RAPGEF2: variants seen among roughly 807,000 people sequenced by gnomAD.
RAPGEF2 encodes the protein PDZ domain containing guanine nucleotide exchange factor (GEF) 1.
A neutral mutation model predicts 186.7 loss-of-function variants in RAPGEF2; 54 were observed. The ratio of observed to expected loss-of-function variants is 0.29; its 90% CI spans 0.23 to 0.36. The LOEUF is 0.36. Among genes scored for constraint, RAPGEF2 ranks in the 10% least tolerant of loss-of-function variants. RAPGEF2 has a pLI of 1.00. For missense variants in RAPGEF2, 1,532 were observed against 2,045.0 expected, an observed-to-expected ratio of 0.75 and a Z score of 4.84; for synonymous variants, 712 against 705.9, an observed-to-expected ratio of 1.01 and a Z score of -0.14.
At chr4:159,325,374 A>G (rs553361108) in intron 11 of RAPGEF2, among the ~76,000 whole-genome samples, 5 of 152,248 alleles carry the variant, frequency 3.3e-5, no homozygotes, top group African/African-American at 1.2e-4. Flanking sequence ...TGAAGTCTTT[A>G]TTTAGCGGGA....
Position 159,351,291 on chromosome 4 carries a change from T to A in RAPGEF2, c.3865+1002T>A, listed in dbSNP as rs911474538. 3 of 1,281,330 alleles carry A rather than the reference T, an allele frequency of 2.3e-6. No individual in the cohort carries two copies. The African/African-American group carries it at 4.6e-5, about 20-fold the overall frequency. The allele number at this position is 1,281,330 out of a possible 1,614,324, so 79.4% of individuals were successfully genotyped here. The stretch of plus-strand genomic sequence containing the variant: ...TCAAGTGCTCCATCTGAGTGATTTA[T>A]TTTTCTGAAACTTTTTTTTTTTTAA... On this transcript the variant is annotated intron_variant, in intron 26 of 29. Transcript: ENST00000691494.
chr4:159,159,926 A>G (rs576739847), intron 1 of RAPGEF2, among the ~76,000 whole-genome samples: 1 of 152,336 alleles, frequency 6.6e-6, no homozygotes, highest in East Asian at 1.9e-4. Context: ...GCCAATTATA[A>G]CACAGGTATT....
intron 7 of RAPGEF2, among the ~76,000 whole-genome samples, chr4:159,253,689 C>T (rs1278039421): frequency 6.6e-6 from 1 of 151,916 alleles, no homozygotes; most frequent in African/African-American, 2.4e-5. Context: ...TTTTCTGTGG[C>T]CAGGCGCGGT....
chr4:159,237,630 A>G (rs1753422308), intron 4 of RAPGEF2, among the ~76,000 whole-genome samples: 1 of 151,994 alleles, frequency 6.6e-6, no homozygotes, highest in Admixed American at 6.6e-5. Context: ...ATTAACTTGG[A>G]AAAAAATTGT....
At chr4:159,202,220 G>A (rs1749498381) in intron 3 of RAPGEF2, among the ~76,000 whole-genome samples, 1 of 152,118 alleles carries the variant, frequency 6.6e-6, no homozygotes, top group South Asian at 2.1e-4. Flanking sequence ...AGCATTTAGA[G>A]GAGCTTCCTC....
At chr4:159,131,092 G>A (rs1437523023) in intron 1 of RAPGEF2, among the ~76,000 whole-genome samples, 1 of 43,858 alleles carries the variant, frequency 2.3e-5, no homozygotes, top group African/African-American at 1.0e-4. Flanking sequence ...TTGTGTGTGT[G>A]TGTGTGAGAG....
chr4:159,268,336 T>C (rs1757689034), intron 7 of RAPGEF2: 2 of 776,660 alleles, frequency 2.6e-6, no homozygotes, highest in Non-Finnish European at 2.1e-6. Flanking sequence ...AGTAGTCTGC[T>C]TGGAGAGGAG....
intron 17 of RAPGEF2, 163 bp downstream of exon 17, chr4:159,332,860 C>A: frequency 1.3e-6 from 1 of 750,860 alleles, no homozygotes; most frequent in Non-Finnish European, 1.9e-6. Flanking sequence ...GTTTTAATCT[C>A]GTTTTTGCCA....
chr4:159,127,317 G>A (rs1249003748), intron 1 of RAPGEF2, among the ~76,000 whole-genome samples: 6 of 152,112 alleles, frequency 3.9e-5, no homozygotes, highest in Admixed American at 1.3e-4. Flanking sequence ...GTGAACCACC[G>A]CACCTGGCCT....
At chr4:159,251,924 A>G (rs1412997353) in intron 7 of RAPGEF2, among the ~76,000 whole-genome samples, 1 of 152,020 alleles carries the variant, frequency 6.6e-6, no homozygotes, top group African/African-American at 2.4e-5. Flanking sequence ...TGGGTCTGCC[A>G]CGTCTTTAAG....
chr4:159,296,086 A>G (rs1761992585), intron 7 of RAPGEF2, among the ~76,000 whole-genome samples: 1 of 152,204 alleles, frequency 6.6e-6, no homozygotes, highest in African/African-American at 2.4e-5. Flanking sequence ...CAGAATTGCA[A>G]TTACTGGATA....
intron 7 of RAPGEF2, among the ~76,000 whole-genome samples, chr4:159,267,543 G>A (rs1757566351): frequency 6.6e-6 from 1 of 152,206 alleles, no homozygotes; most frequent in African/African-American, 2.4e-5. Context: ...TCACCACTCT[G>A]TCAGCATCAT....
intron 4 of RAPGEF2, among the ~76,000 whole-genome samples, chr4:159,230,252 GAACT>G (rs1277365521): frequency 7.9e-5 from 12 of 152,096 alleles, no homozygotes; most frequent in African/African-American, 2.7e-4. Flanking sequence ...TGTTTAGAAA[GAACT>G]AACAGGTTTT....
At chr4:159,216,591 G>A (rs1279763526) in intron 4 of RAPGEF2, among the ~76,000 whole-genome samples, 1 of 152,044 alleles carries the variant, frequency 6.6e-6, no homozygotes, top group Non-Finnish European at 1.5e-5. Context: ...TGCAAGTGTA[G>A]TTTAGGGAGT....
intron 1 of RAPGEF2, among the ~76,000 whole-genome samples, chr4:159,176,427 A>T (rs569622978): frequency 1.1e-4 from 17 of 152,278 alleles, no homozygotes; most frequent in African/African-American, 3.9e-4. Context: ...ACCTGGCAGA[A>T]ATATATGCTA....
intron 1 of RAPGEF2, among the ~76,000 whole-genome samples, chr4:159,184,739 T>C (rs1236657365): frequency 6.6e-6 from 1 of 152,206 alleles, no homozygotes; most frequent in Admixed American, 6.5e-5. Context: ...AGAAGCTCTT[T>C]AGTTTAATTA....
intron 1 of RAPGEF2, among the ~76,000 whole-genome samples, chr4:159,164,406 A>G (rs1745079602): frequency 6.6e-6 from 1 of 151,946 alleles, no homozygotes; most frequent in Non-Finnish European, 1.5e-5. Context: ...GAGGAGTGAA[A>G]ACGAAAATAT....
At chr4:159,159,952 A>G (rs1329649523) in intron 1 of RAPGEF2, among the ~76,000 whole-genome samples, 2 of 152,228 alleles carry the variant, frequency 1.3e-5, no homozygotes, top group African/African-American at 4.8e-5. Flanking sequence ...TCTCCCTCCA[A>G]TCAAGCTTTT....
intron 13 of RAPGEF2, chr4:159,330,785 A>C: frequency 3.2e-6 from 1 of 314,568 alleles, no homozygotes; most frequent in Non-Finnish European, 5.8e-6. Flanking sequence ...GGAGTGTGTT[A>C]AAACATAAAC....
Sources: gnomAD v4.1 joint callset for allele counts (sites outside exome capture counted in the v4.1 genomes callset) on GRCh38, gnomAD v4.1.1 for gene constraint, MANE v1.5 for transcripts, NCBI Gene and HGNC (gene_info 2026-07-23, HGNC 2026-07-21) for gene names.